Variants in CHRM5 observed in about 807,000 individuals in gnomAD.
CHRM5 encodes the protein cholinergic receptor muscarinic 5, also known as muscarinic acetylcholine receptor M5.
A neutral mutation model predicts 39.0 loss-of-function variants in CHRM5; 18 were observed. That is an observed-to-expected ratio of 0.46 (90% CI 0.32 to 0.68). CHRM5 has a LOEUF of 0.68. CHRM5 is among the 30% of genes least tolerant of loss of function. The pLI is 0.04. For synonymous variants in CHRM5, 241 were observed against 246.3 expected (o/e 0.98, Z 0.20); for missense variants, 515 against 651.1 (o/e 0.79, Z 2.28).
intron 1 of CHRM5, among the ~76,000 whole-genome samples, chr15:33,974,210 G>T (rs1171849383): frequency 6.6e-6 from 1 of 152,130 alleles, no homozygotes; most frequent in Non-Finnish European, 1.5e-5. Context: ...GACTTCAGGG[G>T]AATTTGAATA....
rs959799994 is a variant in CHRM5, at chr15:34,000,722, A to G, written c.-408+31572A>G. Among the ~76,000 whole-genome samples the G allele has an allele frequency of 9.2e-5, 14 of 152,340 alleles. No individual in the cohort carries two copies. In the East Asian group the frequency reaches 2.3e-3, roughly 25 times the overall value. ...TATAGCACCAAAACACTGAGTATGA[A>G]GAAAGCATGGAAGCTCTTCTCAGTC... On this transcript the variant is annotated intron_variant, in intron 1 of 2. Transcript: ENST00000383263.
chr15:34,000,089 C>A (rs1430503417), intron 1 of CHRM5, among the ~76,000 whole-genome samples: 1 of 152,196 alleles, frequency 6.6e-6, no homozygotes, highest in Non-Finnish European at 1.5e-5. Context: ...ACACTTTTCC[C>A]ATAGATATCC....
At chr15:33,970,210 C>A (rs958261195) in intron 1 of CHRM5, among the ~76,000 whole-genome samples, 2 of 151,958 alleles carry the variant, frequency 1.3e-5, no homozygotes, top group Admixed American at 6.6e-5. Context: ...ATTAGAAATT[C>A]TCTTCCATTT....
intron 1 of CHRM5, among the ~76,000 whole-genome samples, chr15:34,016,274 C>G (rs764714189): frequency 2.6e-5 from 4 of 152,146 alleles, no homozygotes; most frequent in African/African-American, 9.7e-5. Context: ...AGCAACTTAT[C>G]TCTCCTAGGT....
At chr15:34,040,416 C>T (rs565016518) in intron 1 of CHRM5, among the ~76,000 whole-genome samples, 1 of 152,226 alleles carries the variant, frequency 6.6e-6, no homozygotes, top group African/African-American at 2.4e-5. Flanking sequence ...GGAGTAGGGG[C>T]GCCTTCCAGA....
At position 34,025,764 on chromosome 15, in the gene CHRM5, G is replaced by GTGTGTGTT. The variant is rs1898435915; in HGVS notation, c.-407-20768_-407-20761dup. ...TGTTTTGGTTTGGTTTTGCGTGTGT[G>GTGTGTGTT]TGTGTGTTTGTGTGTGTGTGCGCAT... On this transcript the variant is annotated intron_variant, in intron 1 of 2. Transcript: ENST00000383263. Among the ~76,000 whole-genome samples the GTGTGTGTT allele has an allele frequency of 2.6e-5, 4 of 152,108 alleles. No individual in the cohort carries two copies. In the South Asian group the frequency reaches 6.2e-4, roughly 24 times the overall value.
At chr15:34,021,177 T>A (rs1898183622) in intron 1 of CHRM5, among the ~76,000 whole-genome samples, 1 of 152,106 alleles carries the variant, frequency 6.6e-6, no homozygotes, top group Non-Finnish European at 1.5e-5. Flanking sequence ...TATGAAAAAA[T>A]TGCATCTTTT....
rs1045875352 is a variant in CHRM5, at chr15:34,062,789, C to A, written c.72C>A (p.Arg24=). The change falls in exon 3 of 3, where the codon CGC becomes CGA. Residue 24 remains arginine, a synonymous_variant. Coordinates refer to ENST00000383263, the MANE Select transcript of CHRM5 (RefSeq NM_012125.4). ...CAGTAAATCACCAGCCTTTGGAACG[C>A]CACAGGTTGTGGGAAGTCATCACCA... The part of the protein sequence containing the change: ...GTPVNHQPLE[R]HRLWEVITIA... The A allele has an allele frequency of 5.0e-6, 8 of 1,614,078 alleles. No individual in the cohort carries two copies. The highest frequency in any genetic ancestry group is 2.7e-5 in the African/African-American group (2 of 74,930).
intron 1 of CHRM5, among the ~76,000 whole-genome samples, chr15:33,982,881 G>C (rs1005783081): frequency 3.3e-5 from 5 of 151,972 alleles, no homozygotes; most frequent in African/African-American, 1.2e-4. Context: ...CAACTTCTGA[G>C]GGAGATCAGT....
chr15:33,974,013 G>A (rs1231478945), intron 1 of CHRM5, among the ~76,000 whole-genome samples: 1 of 152,140 alleles, frequency 6.6e-6, no homozygotes, highest in Admixed American at 6.5e-5. Context: ...TGAAATAATA[G>A]CTATAAGGAG....
At chr15:34,059,177 G>A (rs1305228175) in intron 2 of CHRM5, among the ~76,000 whole-genome samples, 4 of 152,130 alleles carry the variant, frequency 2.6e-5, no homozygotes, top group African/African-American at 4.8e-5. Context: ...GATTACAGGC[G>A]TGAGCCACCA....
chr15:34,028,699 A>G (rs1898615309), intron 1 of CHRM5, among the ~76,000 whole-genome samples: 1 of 152,202 alleles, frequency 6.6e-6, no homozygotes, highest in African/African-American at 2.4e-5. Flanking sequence ...TGTAAGGTAG[A>G]TATCCTTAAT....
chr15:34,044,817 G>A (rs1385300446), intron 1 of CHRM5, among the ~76,000 whole-genome samples: 7 of 152,212 alleles, frequency 4.6e-5, no homozygotes, highest in South Asian at 2.1e-4. Flanking sequence ...TTGGGAGGCC[G>A]AGGCGGGAGG....
intron 2 of CHRM5, among the ~76,000 whole-genome samples, chr15:34,052,122 A>T (rs1225323991): frequency 6.6e-6 from 1 of 152,224 alleles, no homozygotes; most frequent in Non-Finnish European, 1.5e-5. Flanking sequence ...AATGAAATCC[A>T]GCAGCACATC....
chr15:34,026,541 C>T (rs1484869921), intron 1 of CHRM5, among the ~76,000 whole-genome samples: 1 of 152,014 alleles, frequency 6.6e-6, no homozygotes, highest in Non-Finnish European at 1.5e-5. Context: ...CACATATAAG[C>T]TGACGTCACC....
At chr15:33,975,263 C>T (rs1294838749) in intron 1 of CHRM5, among the ~76,000 whole-genome samples, 1 of 152,144 alleles carries the variant, frequency 6.6e-6, no homozygotes, top group African/African-American at 2.4e-5. Context: ...CATTTTAATG[C>T]AAGTTTTTGA....
chr15:34,013,896 T>C (rs1897747392), intron 1 of CHRM5, among the ~76,000 whole-genome samples: 1 of 152,124 alleles, frequency 6.6e-6, no homozygotes, highest in Admixed American at 6.5e-5. Flanking sequence ...GAGATGAGCC[T>C]ACTGAAGGAA....
chr15:34,012,771 G>A (rs1015486988), intron 1 of CHRM5, among the ~76,000 whole-genome samples: 8 of 152,152 alleles, frequency 5.3e-5, no homozygotes, highest in African/African-American at 1.9e-4. Flanking sequence ...AAGCATTACT[G>A]AACTAGAAGG....
intron 1 of CHRM5, chr15:34,018,250 A>C (rs1326563330): frequency 1.3e-5 from 2 of 152,202 alleles, no homozygotes. Context: ...GTGGAGGTGG[A>C]AGACAGTGAT....
Sources: gnomAD v4.1 joint callset for allele counts (sites outside exome capture counted in the v4.1 genomes callset) on GRCh38, gnomAD v4.1.1 for gene constraint, MANE v1.5 for transcripts, NCBI Gene and HGNC (gene_info 2026-07-23, HGNC 2026-07-21) for gene names.